ANKRD13A: variants seen among roughly 807,000 people sequenced by gnomAD.
ANKRD13A encodes ankyrin repeat domain 13A, also known as ankyrin repeat domain-containing protein 13A.
In ANKRD13A, 48 loss-of-function variants were observed where a neutral mutation model predicts 81.3. The ratio of observed to expected loss-of-function variants is 0.59; its 90% confidence interval spans 0.47 to 0.75. The LOEUF is 0.75. Among genes scored for constraint, ANKRD13A ranks in the 30% least tolerant of loss-of-function variants. The pLI is 0.00. For missense variants in ANKRD13A, 612 were observed against 734.0 expected, an observed-to-expected ratio of 0.83 and a Z score of 1.92; for synonymous variants, 230 against 270.1, an observed-to-expected ratio of 0.85 and a Z score of 1.45.
intron 14 of ANKRD13A, 90 bp from the exon 15 acceptor site, chr12:110,037,269 C>A: frequency 1.6e-6 from 2 of 1,288,260 alleles, no homozygotes; most frequent in Non-Finnish European, 2.2e-6. Flanking sequence ...GCACAGTGTG[C>A]CCTTGGTAAG....
At chr12:110,014,191 T>C (rs7970105) in intron 3 of ANKRD13A, among the ~76,000 whole-genome samples, 47 of 152,238 alleles carry the variant, frequency 3.1e-4, no homozygotes, top group African/African-American at 1.1e-3. Context: ...GGTGGGTGGA[T>C]CACGAGGTCA....
intron 13 of ANKRD13A, among the ~76,000 whole-genome samples, chr12:110,035,849 A>T (rs1408119728): frequency 6.6e-6 from 1 of 152,144 alleles, no homozygotes. Context: ...CCTGGGGTCA[A>T]GGCTGCAGTG....
intron 1 of ANKRD13A, among the ~76,000 whole-genome samples, chr12:110,003,796 G>T (rs1019989916): frequency 6.6e-6 from 1 of 152,092 alleles, no homozygotes; most frequent in Non-Finnish European, 1.5e-5. Context: ...GCTGAGGTGG[G>T]GTCAGTGCTT....
rs1002635930 is a variant in ANKRD13A at position 109,999,960 on chromosome 12, G to A, written c.96+176G>A. 7.9e-5 allele frequency among the ~76,000 whole-genome samples: 12 copies of A among 152,178 alleles called. No homozygotes were observed. The highest frequency in any genetic ancestry group is 1.8e-4 in the Non-Finnish European group (12 of 68,030). ...ACGTATCGAGTGCTTACCGTGCGAC[G>A]GGCTTTTTAAATATCTTCTCTCTTC... On this transcript the variant is annotated intron_variant, in intron 1 of 14. Transcript: ENST00000261739. The surrounding 1 kb of genome is among the most constrained non-coding windows in gnomAD (Gnocchi z 4.3).
intron 13 of ANKRD13A, 136 bp downstream of exon 13, chr12:110,034,093 CT>C: frequency 1.1e-6 from 1 of 888,534 alleles, no homozygotes; most frequent in Non-Finnish European, 1.5e-6. Context: ...ATAGGTTATA[CT>C]TTGTGCATCT....
At chr12:110,000,180 A>G (rs899825939) in intron 1 of ANKRD13A, among the ~76,000 whole-genome samples, 5 of 152,158 alleles carry the variant, frequency 3.3e-5, no homozygotes, top group Admixed American at 6.5e-5. Flanking sequence ...TCAAAGACGT[A>G]AGAATAGCAC....
At chr12:110,034,529 T>C (rs911274407) in intron 13 of ANKRD13A, among the ~76,000 whole-genome samples, 1 of 152,186 alleles carries the variant, frequency 6.6e-6, no homozygotes, top group Non-Finnish European at 1.5e-5. Context: ...CTCAAACTCC[T>C]GGGTTCAAGA....
In ANKRD13A at chr12:110,018,535, G is replaced by T; in HGVS notation, c.544+47G>T. 1 of 1,585,940 alleles carries T rather than the reference G, an allele frequency of 6.3e-7. No individual in the cohort carries two copies. Among genetic ancestry groups the T allele is most frequent in the Non-Finnish European group, 8.6e-7 (1 of 1,160,760 alleles). ...AATCACTGCTCAAGCAAAATTACAG[G>T]GTGATTTTTAACCAAGAAAATGCTT... is the stretch of plus-strand genomic sequence containing the variant. On this transcript the variant is annotated intron_variant, in intron 5 of 14. Coordinates refer to ENST00000261739, the MANE Select transcript of ANKRD13A (RefSeq NM_033121.2). This position sits in a 1 kb window ranked among gnomAD's most constrained non-coding sequence, Gnocchi z 4.4.
intron 11 of ANKRD13A, among the ~76,000 whole-genome samples, chr12:110,029,916 G>T (rs775091528): frequency 5.3e-5 from 8 of 152,172 alleles, no homozygotes; most frequent in Admixed American, 6.5e-5. Context: ...CACAGTCATT[G>T]TTTTAATGTC....
Position 110,039,575 on chromosome 12 carries a change from C to G in ANKRD13A, c.*2021C>G, listed in dbSNP as rs1302106286. On this transcript the variant is annotated 3_prime_UTR_variant, in exon 15 of 15. Transcript: ENST00000261739. The stretch of plus-strand genomic sequence containing the variant: ...GCAAAGGTGGCATGCTCCTCCCAGC[C>G]TTCCTGCCCAGGTTAACAAGCCCCA... 1 of 152,268 alleles carries G rather than the reference C, an allele frequency of 6.6e-6. No individual in the cohort carries two copies. Among genetic ancestry groups the G allele is most frequent in the Non-Finnish European group, 1.5e-5 (1 of 68,072 alleles). 9.4% of individuals were successfully genotyped at this position (152,268 alleles called of 1,614,324 possible). A position where few individuals can be genotyped will look rare whatever the true frequency, so the allele number is the denominator to read the frequency against.
chr12:110,029,399 C>T, intron 10 of ANKRD13A, 79 bp from the exon 11 acceptor site: 1 of 1,498,176 alleles, frequency 6.7e-7, no homozygotes, highest in Non-Finnish European at 9.2e-7. Context: ...CTGCTGTTGT[C>T]TAGCCTACTG....
At chr12:110,016,320 T>G in intron 3 of ANKRD13A, 68 bp from the exon 4 acceptor site, 1 of 1,229,528 alleles carries the variant, frequency 8.1e-7, no homozygotes, top group Non-Finnish European at 1.1e-6. Context: ...AGAACCCTGT[T>G]AACCCCTGCT....
At chr12:110,010,473 A>C (rs902221883) in intron 1 of ANKRD13A, among the ~76,000 whole-genome samples, 1 of 152,236 alleles carries the variant, frequency 6.6e-6, no homozygotes, top group South Asian at 2.1e-4. Context: ...TGCAAGTTAG[A>C]GACTAAGGTA....
chr12:110,014,398 C>T (rs1188803839), intron 3 of ANKRD13A, among the ~76,000 whole-genome samples: 1 of 151,900 alleles, frequency 6.6e-6, no homozygotes, highest in African/African-American at 2.4e-5. Flanking sequence ...GGTGACAGAG[C>T]GAGACTCCAT....
intron 6 of ANKRD13A, among the ~76,000 whole-genome samples, chr12:110,019,749 C>T (rs1293040948): frequency 6.6e-6 from 1 of 152,170 alleles, no homozygotes; most frequent in Non-Finnish European, 1.5e-5. Context: ...CAGTCAGATT[C>T]ACACTTACTA....
intron 12 of ANKRD13A, 80 bp from the exon 13 acceptor site, chr12:110,033,717 T>C (rs891852983): frequency 2.2e-5 from 29 of 1,311,868 alleles, no homozygotes; most frequent in Non-Finnish European, 3.0e-5. Context: ...TTCTTTTTTT[T>C]CTAATGTACA....
intron 1 of ANKRD13A, among the ~76,000 whole-genome samples, chr12:110,009,481 G>C (rs958967277): frequency 3.3e-5 from 5 of 151,898 alleles, no homozygotes; most frequent in Non-Finnish European, 5.9e-5. Flanking sequence ...TTTTTTCCCT[G>C]GTCTATCTAA....
At chr12:110,002,027 G>T (rs774020765) in intron 1 of ANKRD13A, among the ~76,000 whole-genome samples, 1 of 144,722 alleles carries the variant, frequency 6.9e-6, no homozygotes, top group Non-Finnish European at 1.5e-5. Context: ...TGATCTGCCC[G>T]CCTCAGCCTC....
At chr12:110,008,280 A>G (rs968546928) in intron 1 of ANKRD13A, among the ~76,000 whole-genome samples, 1 of 152,118 alleles carries the variant, frequency 6.6e-6, no homozygotes, top group Non-Finnish European at 1.5e-5. Flanking sequence ...GTTTTATCCT[A>G]TGATATGGTG....
Sources: allele counts gnomAD v4.1 joint callset (sites outside exome capture counted in the v4.1 genomes callset), GRCh38; gene constraint gnomAD v4.1.1; non-coding constraint Gnocchi (gnomAD v3.1); transcripts MANE v1.5; gene names NCBI Gene and HGNC (gene_info 2026-07-23, HGNC 2026-07-21).